Variants in PFKP observed in about 807,000 individuals in gnomAD.
The protein encoded by PFKP is ATP-dependent 6-phosphofructokinase, platelet type.
Under a neutral mutation model 94.3 loss-of-function variants are expected in PFKP, and 101 were observed. That is an observed-to-expected ratio of 1.07 (90% CI 0.91 to 1.26). The LOEUF (loss-of-function observed/expected upper bound fraction) is 1.26, where lower values mean the gene tolerates loss of function less well. Ranked by LOEUF, PFKP falls within the 50% of genes most tolerant of loss-of-function variation. PFKP has a pLI of 0.00. For missense variants in PFKP, 1,145 were observed against 1,103.3 expected (o/e 1.04, Z -0.53); for synonymous variants, 573 against 432.6 (o/e 1.32, Z -4.03).
rs1462034541 is a variant in PFKP at position 3,136,714 on chromosome 10, G to A, written c.*135G>A. The A allele has an allele frequency of 2.5e-6, 2 of 796,390 alleles. No homozygotes were observed. Among genetic ancestry groups the A allele is most frequent in the African/African-American group, 1.7e-5 (1 of 58,528 alleles). The allele number at this position is 796,390 out of a possible 1,614,324, so 49.3% of individuals were successfully genotyped here. A position where few individuals can be genotyped will look rare whatever the true frequency, so the allele number is the denominator to read the frequency against. ...CGGCGAGTGCCCATCTGCCCCACCTGCTCCAGTGCGTGCTGTCTGTGGAGT... is the reference window on the plus strand; with the variant it reads ...CGGCGAGTGCCCATCTGCCCCACCTACTCCAGTGCGTGCTGTCTGTGGAGT... On this transcript the variant is annotated 3_prime_UTR_variant, in exon 22 of 22. Transcript: ENST00000381125.
In PFKP at chr10:3,120,077, C is replaced by T. The variant is rs748201782; in HGVS notation, c.1683+33C>T. ...CGTGTGCGCCCTGCCAGGCGGGCGC[C>T]GGCTGACGCTAACCCCGGGGCCCCG... On this transcript the variant is annotated intron_variant, in intron 16 of 21. Coordinates refer to ENST00000381125, the MANE Select transcript of PFKP (RefSeq NM_002627.5). 5.8e-5 allele frequency: 93 copies of T among 1,607,516 alleles called. No homozygotes were observed. In the Middle Eastern group the frequency reaches 8.2e-4, roughly 14 times the overall value.
At chr10:3,084,717 G>C (rs147419936) in intron 2 of PFKP, among the ~76,000 whole-genome samples, 594 of 52,952 alleles carry the variant, frequency 0.011, 2 homozygotes, top group Middle Eastern at 0.019. Flanking sequence ...CTCCCCAGGA[G>C]AGTCCTCCAG....
At chr10:3,070,884 C>T (rs1015555990) in intron 1 of PFKP, among the ~76,000 whole-genome samples, 5 of 151,676 alleles carry the variant, frequency 3.3e-5, no homozygotes, top group African/African-American at 1.2e-4. Flanking sequence ...AGGAATGCAC[C>T]ATCATGACCA....
Position 3,135,916 on chromosome 10 carries a change from T to C in PFKP, c.2225+78T>C. The C allele has an allele frequency of 7.1e-6, 6 of 848,672 alleles. No homozygotes were observed. In the South Asian group the frequency reaches 8.7e-5, roughly 12 times the overall value. The allele number at this position is 848,672 out of a possible 1,614,324, so 52.6% of individuals were successfully genotyped here. ...AGGGGAATGGCCATTGCTGTTGCTG[T>C]CGGCAACTCATTCAGGGGTTTGAGG... On this transcript the variant is annotated intron_variant, in intron 21 of 21. Transcript: ENST00000381125.
intron 8 of PFKP, chr10:3,107,944 G>C (rs890122639): frequency 1.0e-5 from 13 of 1,289,536 alleles, no homozygotes; most frequent in Non-Finnish European, 1.3e-5. Context: ...CAGCAGCCAC[G>C]GGGCAGAAGA....
intron 1 of PFKP, among the ~76,000 whole-genome samples, chr10:3,072,556 A>G (rs1018052941): frequency 4.7e-5 from 7 of 149,532 alleles, no homozygotes; most frequent in Admixed American, 4.6e-4. Context: ...TGGTGTCACC[A>G]TGTGGCACAG....
chr10:3,134,587 G>GGGGTCTGGGGAGGGAGGCCA lies in PFKP; in HGVS notation c.2122+6_2122+25dup. The GGGGTCTGGGGAGGGAGGCCA allele has an allele frequency of 6.3e-7, 1 of 1,597,172 alleles. No homozygotes were observed. The highest frequency in any genetic ancestry group is 8.6e-7 in the Non-Finnish European group (1 of 1,164,966). On this transcript the variant is annotated splice_donor_region_variant and intron_variant, in intron 20 of 21. Coordinates refer to ENST00000381125, the MANE Select transcript of PFKP (RefSeq NM_002627.5). Reference sequence around the variant, plus strand: ...TCAAGGAGGCCCGGGGCAGAGGTAAGGGGTCTGGGGAGGGAGGCCACAGCC... The same window carrying GGGGTCTGGGGAGGGAGGCCA: ...TCAAGGAGGCCCGGGGCAGAGGTAAGGGGTCTGGGGAGGGAGGCCAGGGTCTGGGGAGGGAGGCCACAGCC...
rs74757410 is a variant in PFKP, at chr10:3,082,282, G to A, written c.113-106G>A. On this transcript the variant is annotated intron_variant, in intron 1 of 21. Coordinates refer to ENST00000381125, the MANE Select transcript of PFKP (RefSeq NM_002627.5). ...GTACCCATTTCTCATATTAGGAAAT[G>A]AGGCATTGAGAGGTTAGGAAACGGA... 3,374 of 664,488 alleles carry A rather than the reference G, an allele frequency of 5.1e-3. 72 individuals carry two copies. In the African/African-American group the frequency reaches 0.052, roughly 10 times the overall value. 41.2% of individuals were successfully genotyped at this position (664,488 alleles called of 1,614,324 possible).
rs1265190769 is a variant in PFKP, at chr10:3,097,531, G to A, written c.187-1744G>A. Among the ~76,000 whole-genome samples the A allele has an allele frequency of 3.9e-5, 6 of 152,140 alleles. No homozygotes were observed. In the East Asian group the frequency reaches 9.6e-4, roughly 24 times the overall value. On this transcript the variant is annotated intron_variant, in intron 2 of 21. Transcript: ENST00000381125. Reference sequence around the variant, plus strand: ...TTCTGCTGTTTTGCCATGGAGGTAGGGGGCCTGGTGATGGGCAGTCCCTGT... The same window carrying A: ...TTCTGCTGTTTTGCCATGGAGGTAGAGGGCCTGGTGATGGGCAGTCCCTGT...
At position 3,105,124 on chromosome 10, in the gene PFKP, G is replaced by C; in HGVS notation, c.630G>C (p.Arg210Ser). The C allele has an allele frequency of 6.2e-7, 1 of 1,613,954 alleles. No homozygotes were observed. The highest frequency in any genetic ancestry group is 8.5e-7 in the Non-Finnish European group (1 of 1,179,956). The change falls in exon 6 of 22, where the codon AGG (arginine) becomes AGC (serine). Residue 210 changes from arginine to serine, a missense_variant. By Grantham distance (110) the Arg-to-Ser change is moderately radical. Around this residue, in one of 3 missense-constraint regions of PFKP, gnomAD observed 1,119 missense variants for 1,062.8 expected, o/e 1.05. Coordinates refer to ENST00000381125, the MANE Select transcript of PFKP (RefSeq NM_002627.5). ...AIMTTAQSHQ[R>S]TFVLEVMGRH... The stretch of plus-strand genomic sequence containing the variant: ...TCTGTTTCTCTTCCAGCCACCAGAG[G>C]ACCTTCGTTCTGGAGGTGATGGGAC...
intron 16 of PFKP, among the ~76,000 whole-genome samples, chr10:3,121,812 T>C (rs71477809): frequency 0.36 from 27,184 of 75,340 alleles, 3,394 homozygotes; most frequent in South Asian, 0.46. Flanking sequence ...TCTTTTTTTT[T>C]TTTTTTTTTT....
chr10:3,103,986 G>C (rs759970025), intron 5 of PFKP, 42 bp downstream of exon 5: 1 of 1,590,772 alleles, frequency 6.3e-7, no homozygotes, highest in South Asian at 1.1e-5. Flanking sequence ...AGTGGGGCCC[G>C]ACGTGTGCCC....
rs1588361257 is a variant in PFKP at position 3,067,554 on chromosome 10, T to C, written c.-42T>C. 1 of 1,125,138 alleles carries C rather than the reference T, an allele frequency of 8.9e-7. No individual in the cohort carries two copies. The highest frequency in any genetic ancestry group is 1.3e-6 in the Non-Finnish European group (1 of 785,388). 69.7% of individuals were successfully genotyped at this position (1,125,138 alleles called of 1,614,324 possible). On this transcript the variant is annotated 5_prime_UTR_variant, in exon 1 of 22. Transcript: ENST00000381125. The stretch of plus-strand genomic sequence containing the variant: ...GCGCGCGGGCAGGGTCCCCATTGCC[T>C]GCTGCGCACCCGGACGTGCGGCTCC...
At chr10:3,081,031 A>T (rs1212206002) in intron 1 of PFKP, among the ~76,000 whole-genome samples, 1 of 152,256 alleles carries the variant, frequency 6.6e-6, no homozygotes, top group African/African-American at 2.4e-5. Flanking sequence ...TCAGTAGGTC[A>T]TTCGAATTCT....
rs59102828 is a variant in PFKP, at chr10:3,076,017, C to CAAA, written c.113-6350_113-6348dup. Among the ~76,000 whole-genome samples the CAAA allele has an allele frequency of 6.3e-4, 39 of 61,716 alleles. 2 individuals carry two copies. The highest frequency in any genetic ancestry group is 1.3e-3 in the South Asian group (2 of 1,592). The allele number at this position is 61,716 out of a possible 152,430, so 40.5% of individuals were successfully genotyped here. A position where few individuals can be genotyped will look rare whatever the true frequency, so the allele number is the denominator to read the frequency against. Reference sequence around the variant, plus strand: ...TGGGCGACAGAGCGAGACTCCGTCTCAAAAAAAAAAAAAAAAAAAAAAAGT... The same window carrying CAAA: ...TGGGCGACAGAGCGAGACTCCGTCTCAAAAAAAAAAAAAAAAAAAAAAAAAAGT... On this transcript the variant is annotated intron_variant, in intron 1 of 21. Coordinates refer to ENST00000381125, the MANE Select transcript of PFKP (RefSeq NM_002627.5).
chr10:3,134,416 T>A (rs1412596549), intron 19 of PFKP, 67 bp from the exon 20 acceptor site: 6 of 890,980 alleles, frequency 6.7e-6, no homozygotes, highest in Admixed American at 2.0e-5. Context: ...ATAGAAATTG[T>A]CATTTCTATT....
At chr10:3,080,123 C>G (rs1832935676) in intron 1 of PFKP, among the ~76,000 whole-genome samples, 1 of 152,056 alleles carries the variant, frequency 6.6e-6, no homozygotes, top group Admixed American at 6.5e-5. Context: ...TGCTGCCAGA[C>G]AGGTGGGAGG....
rs751008503 is a variant in PFKP, at chr10:3,136,534, G to A, written c.2310G>A (p.Val770=). 1.9e-6 allele frequency: 3 copies of A among 1,613,570 alleles called. No homozygotes were observed. The highest frequency in any genetic ancestry group is 2.7e-5 in the African/African-American group (2 of 74,886). Residue 770 remains valine, a synonymous_variant, in exon 22 of 22, where the codon GTG becomes GTA. Transcript: ENST00000381125. The part of the protein sequence containing the change: ...ILAKYKASYD[V]SDSGQLEHVQ... ...CCAAGTACAAGGCCAGCTATGACGT[G>A]TCGGACTCAGGCCAGCTGGAACATG...
At chr10:3,080,997 T>A (rs2388510) in intron 1 of PFKP, among the ~76,000 whole-genome samples, 34,297 of 152,166 alleles carry the variant, frequency 0.23, 4,315 homozygotes, top group East Asian at 0.35. Flanking sequence ...AGTTTGATGT[T>A]CTTGAGAGAT....
Sources: allele counts gnomAD v4.1 joint callset (sites outside exome capture counted in the v4.1 genomes callset), GRCh38; gene constraint gnomAD v4.1.1; regional missense constraint gnomAD v4.1.1; transcripts MANE v1.5; gene names NCBI Gene and HGNC (gene_info 2026-07-23, HGNC 2026-07-21).